Variants in DNAH10 observed in about 807,000 individuals in gnomAD.
DNAH10 encodes axonemal beta dynein heavy chain 10.
DNAH10 carries 348 observed loss-of-function variants against 506.6 expected under a neutral mutation model. That is an observed-to-expected ratio of 0.69 (90% CI 0.63 to 0.75). The LOEUF is 0.75. Among genes scored for constraint, DNAH10 ranks in the 30% least tolerant of loss-of-function variants. DNAH10 has a pLI of 0.00. For synonymous variants in DNAH10, 2,059 were observed against 2,198.6 expected, an observed-to-expected ratio of 0.94 and a Z score of 1.78; for missense variants, 5,179 against 5,787.1, an observed-to-expected ratio of 0.89 and a Z score of 3.41.
At chr12:123,825,579 A>C (rs1451941385) in intron 24 of DNAH10, among the ~76,000 whole-genome samples, 2 of 152,052 alleles carry the variant, frequency 1.3e-5, no homozygotes, top group African/African-American at 4.8e-5. Flanking sequence ...TTCATAAAAA[A>C]CCCTGGAAAA....
chr12:123,890,071 A>G (rs140597384), intron 52 of DNAH10, among the ~76,000 whole-genome samples: 253 of 152,290 alleles, frequency 1.7e-3, no homozygotes, highest in African/African-American at 5.8e-3. Flanking sequence ...TCCTTTTTGC[A>G]GGAAACATAA....
intron 1 of DNAH10, among the ~76,000 whole-genome samples, chr12:123,764,634 T>A (rs1378452650): frequency 6.6e-6 from 1 of 152,172 alleles, no homozygotes; most frequent in African/African-American, 2.4e-5. Context: ...TCATCCAGTG[T>A]GGAAGCAGAG....
intron 67 of DNAH10, among the ~76,000 whole-genome samples, 155 bp from the exon 68 acceptor site, chr12:123,924,895 G>T (rs77322427): frequency 0.057 from 8,629 of 152,296 alleles, 746 homozygotes; most frequent in African/African-American, 0.18. Context: ...CATAGCCTTT[G>T]GGGGTAGAGA....
chr12:123,840,267 A>C (rs1023136292), intron 29 of DNAH10, among the ~76,000 whole-genome samples: 4 of 152,138 alleles, frequency 2.6e-5, no homozygotes, highest in Non-Finnish European at 5.9e-5. Context: ...AGCACTTAGG[A>C]ACGAGTGCTT....
intron 57 of DNAH10, among the ~76,000 whole-genome samples, chr12:123,905,924 G>C (rs923771861): frequency 6.6e-6 from 1 of 151,490 alleles, no homozygotes; most frequent in African/African-American, 2.4e-5. Context: ...TTATTTTGTG[G>C]CTTTTTTTTT....
chr12:123,887,396 C>A, intron 52 of DNAH10, 83 bp downstream of exon 52: 3 of 1,467,846 alleles, frequency 2.0e-6, no homozygotes, highest in Non-Finnish European at 2.7e-6. Context: ...GTTACCACCT[C>A]CAGACACTGT....
At position 123,903,187 on chromosome 12, in the gene DNAH10, C is replaced by G; in HGVS notation, c.9815+74C>G. 6.7e-7 allele frequency: 1 copy of G among 1,483,012 alleles called. No homozygotes were observed. Among genetic ancestry groups the G allele is most frequent in the Non-Finnish European group, 9.0e-7 (1 of 1,114,228 alleles). 91.9% of individuals were successfully genotyped at this position (1,483,012 alleles called of 1,614,324 possible). ...CCAGTAGTCTCCATGATCGTGGCAA[C>G]CAGGAGCTTACAAAGGAGCCGATGC... On this transcript the variant is annotated intron_variant, in intron 57 of 78. Transcript: ENST00000673944. The surrounding 1 kb of genome is among the most constrained non-coding windows in gnomAD (Gnocchi z 4.6).
intron 1 of DNAH10, among the ~76,000 whole-genome samples, chr12:123,765,728 A>G (rs1593946468): frequency 6.6e-6 from 1 of 150,578 alleles, no homozygotes; most frequent in Non-Finnish European, 1.5e-5. Flanking sequence ...TTCACCTATC[A>G]TCTATCCATC....
At chr12:123,770,619 A>T (rs1175112673) in intron 2 of DNAH10, among the ~76,000 whole-genome samples, 1 of 151,806 alleles carries the variant, frequency 6.6e-6, no homozygotes, top group African/African-American at 2.4e-5. Context: ...TTAGTCCTCC[A>T]GAATTTGGCT....
intron 57 of DNAH10, among the ~76,000 whole-genome samples, chr12:123,904,500 C>G (rs937476053): frequency 8.5e-5 from 13 of 152,070 alleles, no homozygotes; most frequent in Admixed American, 3.3e-4. Context: ...TGAGTCCCTT[C>G]CATCAATCCA....
chr12:123,879,113 A>G, intron 48 of DNAH10, 151 bp from the exon 49 acceptor site: 1 of 614,550 alleles, frequency 1.6e-6, no homozygotes, highest in Non-Finnish European at 2.8e-6. Context: ...CTCTGGTTAG[A>G]TTTCATTAAC....
In DNAH10 at chr12:123,917,597, C is replaced by G; in HGVS notation, c.11016C>G (p.Gly3672=). The change falls in exon 64 of 79, where the codon GGC becomes GGG. Residue 3672 remains glycine (G), a synonymous_variant. Transcript: ENST00000673944. This position sits in a 1 kb window ranked among gnomAD's most constrained non-coding sequence, Gnocchi z 5.6. ...TGTCCCCCACAGTCACGCTGAAGGG[C>G]CTGGAGGACCAGCTGCTGAGCGTGC... ...MVINYTVTLK[G]LEDQLLSVLV... 1 of 1,551,340 alleles carries G rather than the reference C, an allele frequency of 6.4e-7. No individual in the cohort carries two copies.
At chr12:123,800,188 C>T (rs1265301622) in intron 14 of DNAH10, 28 bp from the exon 15 acceptor site, 6 of 1,607,246 alleles carry the variant, frequency 3.7e-6, no homozygotes, top group Admixed American at 1.7e-5. Flanking sequence ...ACTGCCCTGG[C>T]CGCGCTGATG....
At chr12:123,825,671 T>C (rs1959907259) in intron 24 of DNAH10, among the ~76,000 whole-genome samples, 1 of 152,060 alleles carries the variant, frequency 6.6e-6, no homozygotes, top group Admixed American at 6.6e-5. Flanking sequence ...GGAGGGGTTA[T>C]GACACAGGGA....
At chr12:123,920,257 G>GT (rs1368732813) in intron 65 of DNAH10, among the ~76,000 whole-genome samples, 1 of 152,194 alleles carries the variant, frequency 6.6e-6, no homozygotes, top group Non-Finnish European at 1.5e-5. Flanking sequence ...TCACTTATCT[G>GT]TAAGTATGTT....
chr12:123,916,943 C>T lies in DNAH10; in HGVS notation c.11002+207C>T, dbSNP rs188383097. 4.6e-5 allele frequency among the ~76,000 whole-genome samples: 7 copies of T among 152,284 alleles called. No homozygotes were observed. Among genetic ancestry groups the T allele is most frequent in the Admixed American group, 1.3e-4 (2 of 15,308 alleles). ...TCACCTGTCATGAGTCACGCTGAGACGGGGCCGTGGGCTTATGTGTTCACA... is the reference window on the plus strand; with the variant it reads ...TCACCTGTCATGAGTCACGCTGAGATGGGGCCGTGGGCTTATGTGTTCACA... On this transcript the variant is annotated intron_variant, in intron 63 of 78. Transcript: ENST00000673944. The surrounding 1 kb of genome is among the most constrained non-coding windows in gnomAD (Gnocchi z 4.6).
chr12:123,893,720 ACCAGCCTCATG>A (rs1953093457), intron 53 of DNAH10, among the ~76,000 whole-genome samples: 2 of 152,076 alleles, frequency 1.3e-5, no homozygotes, highest in South Asian at 4.2e-4. Context: ...GGAAAATTCC[ACCAGCCTCATG>A]CCAGCCTTTA....
Position 123,875,363 on chromosome 12 carries a change from A to G in DNAH10, c.8071A>G (p.Lys2691Glu), listed in dbSNP as rs1952211761. ...CCTTGGCTTTATTGCTGCAATGGGA[A>G]AGGCTGGAGGAGGCCGCAATGAAGT... is the stretch of plus-strand genomic sequence containing the variant. ...RDLGFIAAMG[K>E]AGGGRNEVDP... Residue 2691 changes from lysine (K) to glutamate (E), a missense_variant, in exon 47 of 79, where the codon AAG (lysine) becomes GAG (glutamate). This residue lies in a region of DNAH10 where 4,844 missense variants were observed against 5,430.5 expected (regional missense o/e 0.89). Coordinates refer to ENST00000673944, the MANE Select transcript of DNAH10 (RefSeq NM_001372106.1). 1 of 1,614,018 alleles carries G rather than the reference A, an allele frequency of 6.2e-7. No homozygotes were observed. Among genetic ancestry groups the G allele is most frequent in the Non-Finnish European group, 8.5e-7 (1 of 1,179,896 alleles).
At chr12:123,840,094 T>G (rs918912870) in intron 29 of DNAH10, among the ~76,000 whole-genome samples, 14 of 151,972 alleles carry the variant, frequency 9.2e-5, no homozygotes, top group African/African-American at 3.1e-4. Flanking sequence ...TACAGGACAT[T>G]ACGTAGCATC....
Sources: gnomAD v4.1 joint callset for allele counts (sites outside exome capture counted in the v4.1 genomes callset) on GRCh38, gnomAD v4.1.1 for gene constraint, gnomAD v4.1.1 regional missense constraint, Gnocchi (gnomAD v3.1) non-coding constraint, MANE v1.5 for transcripts, NCBI Gene and HGNC (gene_info 2026-07-23, HGNC 2026-07-21) for gene names.